SHTN1: variants seen among roughly 807,000 people sequenced by gnomAD.
The protein encoded by SHTN1 is shootin-1.
A neutral mutation model predicts 83.1 loss-of-function variants in SHTN1; 42 were observed. The ratio of observed to expected loss-of-function variants is 0.51; its 90% confidence interval spans 0.39 to 0.65. SHTN1 has a LOEUF of 0.65. Among genes scored for constraint, SHTN1 ranks in the 30% least tolerant of loss-of-function variants. The probability of loss-of-function intolerance (pLI) is 0.00; values close to 1 mark genes in which losing one functional copy is unlikely to be tolerated. For missense variants in SHTN1, 622 were observed against 737.8 expected, an observed-to-expected ratio of 0.84 and a Z score of 1.82; for synonymous variants, 224 against 247.7, an observed-to-expected ratio of 0.90 and a Z score of 0.90.
intron 11 of SHTN1, among the ~76,000 whole-genome samples, chr10:116,924,496 AAGC>A (rs1428603190): frequency 6.6e-6 from 1 of 152,166 alleles, no homozygotes; most frequent in Non-Finnish European, 1.5e-5. Flanking sequence ...CTCTGAGTTG[AAGC>A]ATAAGCTGTA....
At chr10:116,987,751 C>T (rs938488164) in intron 1 of SHTN1, among the ~76,000 whole-genome samples, 5 of 151,940 alleles carry the variant, frequency 3.3e-5, no homozygotes, top group African/African-American at 1.2e-4. Context: ...CCCGTCTCTA[C>T]TAAAAAAACA....
chr10:117,100,555 G>A (rs1396886651), intron 1 of SHTN1, among the ~76,000 whole-genome samples: 1 of 152,012 alleles, frequency 6.6e-6, no homozygotes, highest in Non-Finnish European at 1.5e-5. Flanking sequence ...GTGTCATATT[G>A]TTAGCAAAAA....
intron 1 of SHTN1, among the ~76,000 whole-genome samples, chr10:117,093,746 G>A (rs1853467822): frequency 6.6e-6 from 1 of 152,120 alleles, no homozygotes; most frequent in African/African-American, 2.4e-5. Context: ...ACACACAATG[G>A]GCATTCACTG....
At chr10:116,913,487 T>A (rs1464854753) in intron 13 of SHTN1, among the ~76,000 whole-genome samples, 1 of 152,240 alleles carries the variant, frequency 6.6e-6, no homozygotes, top group African/African-American at 2.4e-5. Context: ...AATGTGTAAC[T>A]GCAGGAAGTC....
intron 16 of SHTN1, among the ~76,000 whole-genome samples, chr10:116,891,876 T>C (rs1847352289): frequency 6.6e-6 from 1 of 152,188 alleles, no homozygotes; most frequent in Non-Finnish European, 1.5e-5. Flanking sequence ...TCTTTTTGTT[T>C]TGGGTACTTT....
At chr10:116,964,047 CTGATTCTCT>C (rs896979041) in intron 3 of SHTN1, among the ~76,000 whole-genome samples, 2 of 148,538 alleles carry the variant, frequency 1.3e-5, no homozygotes, top group African/African-American at 5.0e-5. Flanking sequence ...TTTTACATGT[CTGATTCTCT>C]TGCACCTAGC....
At chr10:117,100,351 A>C (rs906007066) in intron 1 of SHTN1, among the ~76,000 whole-genome samples, 2 of 152,180 alleles carry the variant, frequency 1.3e-5, no homozygotes, top group South Asian at 4.1e-4. Flanking sequence ...GGATGGCAGA[A>C]CCAAGTTGTT....
At chr10:117,056,868 A>G (rs1852833348) in intron 1 of SHTN1, among the ~76,000 whole-genome samples, 1 of 152,156 alleles carries the variant, frequency 6.6e-6, no homozygotes, top group South Asian at 2.1e-4. Context: ...TTAGCAAACT[A>G]AGAACAGAGT....
chr10:117,031,167 T>G (rs1397907292), intron 2 of SHTN1, among the ~76,000 whole-genome samples: 2 of 152,128 alleles, frequency 1.3e-5, no homozygotes, highest in Non-Finnish European at 2.9e-5. Flanking sequence ...AGTAGCACTT[T>G]TTGGTGGAAA....
chr10:116,905,816 C>A (rs1481651469), intron 15 of SHTN1, among the ~76,000 whole-genome samples: 1 of 152,174 alleles, frequency 6.6e-6, no homozygotes, highest in South Asian at 2.1e-4. Context: ...TACCTGGTCA[C>A]AAGGGGAAAC....
intron 8 of SHTN1, among the ~76,000 whole-genome samples, 189 bp from the exon 9 acceptor site, chr10:116,940,801 T>C (rs1589826530): frequency 6.6e-6 from 1 of 152,306 alleles, no homozygotes; most frequent in Admixed American, 6.5e-5. Flanking sequence ...ATACCTTTAC[T>C]CCTGCCCCAA....
At chr10:116,989,011 A>G (rs1000524894) in intron 1 of SHTN1, among the ~76,000 whole-genome samples, 1 of 152,146 alleles carries the variant, frequency 6.6e-6, no homozygotes, top group African/African-American at 2.4e-5. Context: ...TTTGGATCCC[A>G]CAATTCCATT....
chr10:116,947,197 C>T (rs1849625586), intron 7 of SHTN1, among the ~76,000 whole-genome samples: 1 of 152,060 alleles, frequency 6.6e-6, no homozygotes, highest in South Asian at 2.1e-4. Context: ...CATTCAGTGG[C>T]CTATTTTGTT....
chr10:116,901,719 T>C, intron 16 of SHTN1, 46 bp downstream of exon 16: 5 of 1,468,484 alleles, frequency 3.4e-6, no homozygotes, highest in Non-Finnish European at 4.5e-6. Context: ...AGTTAGTCAT[T>C]ACAGATTCTT....
intron 1 of SHTN1, among the ~76,000 whole-genome samples, chr10:117,083,032 T>G (rs1179196285): frequency 1.3e-5 from 2 of 150,938 alleles, no homozygotes; most frequent in Admixed American, 6.6e-5. Flanking sequence ...TTAGTCCATT[T>G]ACATTTAAAG....
chr10:117,103,077 T>C (rs1853618109), intron 1 of SHTN1, among the ~76,000 whole-genome samples: 1 of 152,140 alleles, frequency 6.6e-6, no homozygotes, highest in African/African-American at 2.4e-5. Context: ...TTTGTTTGTT[T>C]TGTTTTTGTT....
At chr10:117,082,513 T>C (rs199940128) in intron 1 of SHTN1, among the ~76,000 whole-genome samples, 18,216 of 151,766 alleles carry the variant, frequency 0.12, 1,352 homozygotes, top group Admixed American at 0.17. Context: ...GTATACTCTG[T>C]TGATTTGGGG....
At chr10:117,014,986 G>T (rs1852161180) in intron 2 of SHTN1, among the ~76,000 whole-genome samples, 1 of 152,190 alleles carries the variant, frequency 6.6e-6, no homozygotes, top group African/African-American at 2.4e-5. Context: ...TGGGAAAGTT[G>T]TAACAGCACA....
At chr10:117,107,274 C>A (rs1853684478) in intron 1 of SHTN1, among the ~76,000 whole-genome samples, 1 of 152,090 alleles carries the variant, frequency 6.6e-6, no homozygotes. Context: ...AGTACCCTGC[C>A]CAAAGTCACA....
Sources: allele counts gnomAD v4.1 joint callset (sites outside exome capture counted in the v4.1 genomes callset), GRCh38; gene constraint gnomAD v4.1.1; transcripts MANE v1.5; gene names NCBI Gene and HGNC (gene_info 2026-07-23, HGNC 2026-07-21).